Variants in SLC39A12 observed in about 807,000 individuals in gnomAD.
The protein encoded by SLC39A12 is solute carrier family 39 member 12, also known as zinc transporter ZIP12.
In SLC39A12, 63 loss-of-function variants were observed where a neutral mutation model predicts 71.1. The ratio of observed to expected loss-of-function variants is 0.89; its 90% CI spans 0.72 to 1.09. SLC39A12 has a LOEUF of 1.09. Ranked by LOEUF, SLC39A12 falls within the 50% of genes least tolerant of loss-of-function variation. The pLI, the probability that SLC39A12 is intolerant of heterozygous loss-of-function variation, is 0.00. For synonymous variants in SLC39A12, 351 were observed against 301.3 expected, an observed-to-expected ratio of 1.16 and a Z score of -1.71; for missense variants, 892 against 812.6, an observed-to-expected ratio of 1.10 and a Z score of -1.19.
intron 12 of SLC39A12, among the ~76,000 whole-genome samples, chr10:18,041,263 A>G (rs1393672967): frequency 2.0e-5 from 3 of 152,038 alleles, no homozygotes; most frequent in African/African-American, 7.2e-5. Context: ...AATAGTTGCC[A>G]TGTGTTTCTC....
chr10:18,042,409 A>C (rs1175655466), intron 12 of SLC39A12, among the ~76,000 whole-genome samples: 1 of 145,166 alleles, frequency 6.9e-6, no homozygotes, highest in Non-Finnish European at 1.5e-5. Context: ...GTGAAATGTG[A>C]TCGCAGCCAT....
At position 17,981,416 on chromosome 10, in the gene SLC39A12, G is replaced by A; in HGVS notation, c.1029G>A (p.Gln343=). 1 of 1,613,966 alleles carries A rather than the reference G, an allele frequency of 6.2e-7. No homozygotes were observed. The highest frequency in any genetic ancestry group is 1.3e-5 in the African/African-American group (1 of 75,030). Reference sequence around the variant, plus strand: ...AAATGAGTCCAGGGATCATCCAGCAGCTCCTCAGCTGCTCCTGCCACTTAC... The same window carrying A: ...AAATGAGTCCAGGGATCATCCAGCAACTCCTCAGCTGCTCCTGCCACTTAC... ...FKQMSPGIIQ[Q]LLSCSCHLPK... Residue 343 remains glutamine, a synonymous_variant, in exon 6 of 13, where the codon CAG becomes CAA. Coordinates refer to ENST00000377369, the MANE Select transcript of SLC39A12 (RefSeq NM_001145195.2).
chr10:17,972,766 G>T (rs1367784411), intron 4 of SLC39A12, among the ~76,000 whole-genome samples: 2 of 151,008 alleles, frequency 1.3e-5, no homozygotes, highest in Admixed American at 6.6e-5. Flanking sequence ...ATAGATCAAT[G>T]GTCTTATTTT....
intron 4 of SLC39A12, among the ~76,000 whole-genome samples, chr10:17,967,736 A>T (rs1209970508): frequency 6.6e-6 from 1 of 151,598 alleles, no homozygotes; most frequent in Admixed American, 6.6e-5. Flanking sequence ...TACAAAAAAA[A>T]ATAAGCCAGG....
intron 12 of SLC39A12, among the ~76,000 whole-genome samples, chr10:18,039,054 T>C (rs1190128831): frequency 6.6e-6 from 1 of 152,234 alleles, no homozygotes; most frequent in East Asian, 1.9e-4. Flanking sequence ...AAATGACCTA[T>C]ACTTTATAAG....
intron 4 of SLC39A12, among the ~76,000 whole-genome samples, chr10:17,968,123 C>T (rs117813842): frequency 0.071 from 9,409 of 132,432 alleles, 390 homozygotes; most frequent in South Asian, 0.12. Context: ...TTATAACCTG[C>T]TTCATGATTA....
At chr10:17,987,675 G>A (rs1166989282) in intron 7 of SLC39A12, 24 bp downstream of exon 7, 1 of 1,612,606 alleles carries the variant, frequency 6.2e-7, no homozygotes, top group Non-Finnish European at 8.5e-7. Flanking sequence ...TTCCATTTCA[G>A]ATAAAGTTCA....
chr10:18,004,956 C>T (rs1045094902), intron 12 of SLC39A12, among the ~76,000 whole-genome samples: 4 of 151,880 alleles, frequency 2.6e-5, no homozygotes, highest in Admixed American at 2.6e-4. Context: ...CCATTATCCC[C>T]AGCAAACTAA....
At chr10:17,953,663 T>C in intron 2 of SLC39A12, 126 bp downstream of exon 2, 1 of 1,137,512 alleles carries the variant, frequency 8.8e-7, no homozygotes, top group Middle Eastern at 3.0e-4. Flanking sequence ...GAGCAATGCA[T>C]TCTGGTAAAA....
chr10:18,026,040 A>G (rs1836668008), intron 12 of SLC39A12, among the ~76,000 whole-genome samples: 1 of 152,206 alleles, frequency 6.6e-6, no homozygotes, highest in African/African-American at 2.4e-5. Context: ...ACATGAGCAT[A>G]CATAATTGAA....
chr10:18,042,794 C>G lies in SLC39A12; in HGVS notation c.2037C>G (p.Leu679=), dbSNP rs1384120988. 2 of 1,612,918 alleles carry G rather than the reference C, an allele frequency of 1.2e-6. No individual in the cohort carries two copies. The highest frequency in any genetic ancestry group is 1.7e-6 in the Non-Finnish European group (2 of 1,179,600). Reference sequence around the variant, plus strand: ...GATTGATCCTAGGTTGGCTTTCTCTCCTGCTCTTGGCTATATATGAGCAAA... The same window carrying G: ...GATTGATCCTAGGTTGGCTTTCTCTGCTGCTCTTGGCTATATATGAGCAAA... The part of the protein sequence containing the change: ...NFGLILGWLS[L]LLLAIYEQNI... The change falls in exon 13 of 13, where the codon CTC becomes CTG. Residue 679 remains leucine (L), a synonymous_variant. Coordinates refer to ENST00000377369, the MANE Select transcript of SLC39A12 (RefSeq NM_001145195.2).
At chr10:17,987,752 A>C (rs778844622) in intron 7 of SLC39A12, 101 bp downstream of exon 7, 138 of 1,260,044 alleles carry the variant, frequency 1.1e-4, no homozygotes, top group Non-Finnish European at 1.5e-4. Flanking sequence ...CTTCAAAGAG[A>C]GAGTATCGTG....
At chr10:18,039,190 A>G (rs1007775505) in intron 12 of SLC39A12, among the ~76,000 whole-genome samples, 3 of 152,224 alleles carry the variant, frequency 2.0e-5, no homozygotes. Context: ...TTTACAAAAG[A>G]TAATTAATAA....
chr10:17,953,301 G>A lies in SLC39A12; in HGVS notation c.25G>A (p.Val9Ile), dbSNP rs1287473160. The A allele has an allele frequency of 1.2e-6, 2 of 1,614,186 alleles. No individual in the cohort carries two copies. The highest frequency in any genetic ancestry group is 1.3e-5 in the African/African-American group (1 of 75,044). MCFRTKLSVSWVPLFLLLS... is the reference protein window; with the variant it reads MCFRTKLSISWVPLFLLLS... ...AATGTGCTTCCGGACAAAGCTCTCA[G>A]TATCCTGGGTGCCATTGTTTCTTCT... Residue 9 changes from valine (V) to isoleucine (I), a missense_variant, in exon 2 of 13, where the codon GTA becomes ATA. Val to Ile is a conservative substitution (Grantham distance 29). Transcript: ENST00000377369.
chr10:17,973,669 T>C (rs1835032699), intron 4 of SLC39A12, among the ~76,000 whole-genome samples: 1 of 152,176 alleles, frequency 6.6e-6, no homozygotes, highest in Non-Finnish European at 1.5e-5. Context: ...CCTTTCTTTA[T>C]CTTTGATCTT....
chr10:18,032,924 T>C (rs1200905178), intron 12 of SLC39A12, among the ~76,000 whole-genome samples: 1 of 131,416 alleles, frequency 7.6e-6, no homozygotes, highest in Non-Finnish European at 1.6e-5. Context: ...GTTTTTGTCT[T>C]TGGCTCTGTT....
At chr10:17,999,381 A>G (rs1835771716) in intron 10 of SLC39A12, among the ~76,000 whole-genome samples, 1 of 152,018 alleles carries the variant, frequency 6.6e-6, no homozygotes, top group Non-Finnish European at 1.5e-5. Context: ...GTCACACAAT[A>G]TATATGCAAC....
intron 12 of SLC39A12, among the ~76,000 whole-genome samples, chr10:18,033,644 A>G (rs913407213): frequency 8.3e-5 from 12 of 144,816 alleles, no homozygotes; most frequent in Non-Finnish European, 1.7e-4. Context: ...TTGTGTCTCT[A>G]TTTCCTTCAG....
At chr10:17,992,198 A>G (rs1383117310) in intron 8 of SLC39A12, among the ~76,000 whole-genome samples, 1 of 152,092 alleles carries the variant, frequency 6.6e-6, no homozygotes, top group African/African-American at 2.4e-5. Context: ...AAATAAAATG[A>G]ATTTATGGAT....
Sources: allele counts gnomAD v4.1 joint callset (sites outside exome capture counted in the v4.1 genomes callset), GRCh38; gene constraint gnomAD v4.1.1; transcripts MANE v1.5; gene names NCBI Gene and HGNC (gene_info 2026-07-23, HGNC 2026-07-21).